Variants in ROBO2 observed in about 807,000 individuals in gnomAD.
ROBO2 encodes the protein roundabout homolog 2.
ROBO2 carries 53 observed loss-of-function variants against 160.8 expected under a neutral mutation model. The observed-to-expected ratio is 0.33, with a 90% confidence interval of 0.26 to 0.41. The LOEUF is 0.41. Ranked by LOEUF, ROBO2 falls within the 10% of genes least tolerant of loss-of-function variation. The probability of loss-of-function intolerance (pLI) is 1.00; values close to 1 mark genes in which losing one functional copy is unlikely to be tolerated. For missense variants in ROBO2, 1,577 were observed against 1,722.4 expected, an observed-to-expected ratio of 0.92 and a Z score of 1.49; for synonymous variants, 664 against 611.7, an observed-to-expected ratio of 1.09 and a Z score of -1.26.
chr3:76,247,594 T>C (rs2107538181), intron 2 of ROBO2, among the ~76,000 whole-genome samples: 1 of 152,260 alleles, frequency 6.6e-6, no homozygotes, highest in African/African-American at 2.4e-5. Context: ...TTGTTGTTTG[T>C]TTGTTTTGAA....
rs548764661 is a variant in ROBO2, at chr3:77,330,463, A to T, written c.389-146951A>T. On this transcript the variant is annotated intron_variant, in intron 2 of 25. Transcript: ENST00000461745. ...AATCTGGGAGGTGGAGGTTGCTTTCAGCTAAGATCACACCACTGCACTCCA... is the reference window on the plus strand; with the variant it reads ...AATCTGGGAGGTGGAGGTTGCTTTCTGCTAAGATCACACCACTGCACTCCA... Among the ~76,000 whole-genome samples, 262 of 152,340 alleles carry T rather than the reference A, an allele frequency of 1.7e-3. 1 individual carries two copies. The highest frequency in any genetic ancestry group is 6.0e-3 in the African/African-American group (250 of 41,584).
chr3:76,496,124 G>A lies in ROBO2; in HGVS notation c.109+558522G>A, dbSNP rs371299802. Among the ~76,000 whole-genome samples, 320 of 152,218 alleles carry A rather than the reference G, an allele frequency of 2.1e-3. 6 individuals are homozygous for A. Among genetic ancestry groups the A allele is most frequent in the Middle Eastern group, 0.01 (3 of 294 alleles). ...TATAAAATGGAATAATTTTCATTTC[G>A]AGATTGTTGTAACAGTTAAATAGAT... On this transcript the variant is annotated intron_variant, in intron 2 of 26. Coordinates refer to the ROBO2 transcript ENST00000487694.
chr3:76,567,687 ATATATG>A (rs1461845026), intron 2 of ROBO2, among the ~76,000 whole-genome samples: 2 of 138,000 alleles, frequency 1.4e-5, no homozygotes, highest in Non-Finnish European at 3.1e-5. Context: ...ATATGTATAT[ATATATG>A]TATATCAGTG....
intron 2 of ROBO2, among the ~76,000 whole-genome samples, chr3:76,099,399 G>GA (rs11304764): frequency 2.5e-4 from 38 of 150,414 alleles, no homozygotes; most frequent in East Asian, 5.9e-4. Context: ...ATTTTGTGCT[G>GA]AAAAAAAAAA....
At chr3:76,949,347 C>A (rs2078814817) in intron 2 of ROBO2, among the ~76,000 whole-genome samples, 1 of 152,088 alleles carries the variant, frequency 6.6e-6, no homozygotes, top group Admixed American at 6.5e-5. Flanking sequence ...AGTCCCCAAC[C>A]CATGCGGACT....
intron 2 of ROBO2, among the ~76,000 whole-genome samples, chr3:77,375,294 G>A (rs147463219): frequency 0.011 from 1,611 of 152,226 alleles, 15 homozygotes; most frequent in Admixed American, 0.015. Flanking sequence ...ACCTCTGTTC[G>A]GTTCCCAATG....
chr3:76,950,688 C>G (rs2078902100), intron 2 of ROBO2, among the ~76,000 whole-genome samples: 1 of 152,054 alleles, frequency 6.6e-6, no homozygotes, highest in Non-Finnish European at 1.5e-5. Flanking sequence ...CTGGTTATAA[C>G]AGACTCTAGA....
intron 2 of ROBO2, among the ~76,000 whole-genome samples, chr3:77,234,862 T>C (rs763372844): frequency 5.3e-5 from 8 of 152,158 alleles, no homozygotes; most frequent in Non-Finnish European, 8.8e-5. Flanking sequence ...TTGGGGACTT[T>C]TGGGAGTGTT....
intron 2 of ROBO2, among the ~76,000 whole-genome samples, chr3:75,964,086 A>C: frequency 6.6e-6 from 1 of 151,766 alleles, no homozygotes; most frequent in Non-Finnish European, 1.5e-5. Flanking sequence ...TAATCATGTT[A>C]CTCAGAAGAG....
intron 2 of ROBO2, among the ~76,000 whole-genome samples, chr3:76,058,985 T>G (rs1212976489): frequency 6.6e-6 from 1 of 151,292 alleles, no homozygotes; most frequent in Admixed American, 6.6e-5. Flanking sequence ...GAACTCATCA[T>G]TTTTTATGGC....
At chr3:76,814,689 G>A (rs1201008873) in intron 2 of ROBO2, among the ~76,000 whole-genome samples, 3 of 151,584 alleles carry the variant, frequency 2.0e-5, no homozygotes, top group Non-Finnish European at 4.4e-5. Context: ...CTGAGAGATA[G>A]GTCTGTAAAC....
chr3:76,834,900 G>A (rs144634351), intron 2 of ROBO2, among the ~76,000 whole-genome samples: 82 of 152,128 alleles, frequency 5.4e-4, no homozygotes, highest in African/African-American at 1.7e-3. Context: ...AACATTTGCC[G>A]TTCTGTTTAC....
intron 2 of ROBO2, among the ~76,000 whole-genome samples, chr3:76,622,699 C>A (rs532026599): frequency 4.1e-4 from 63 of 152,302 alleles, no homozygotes; most frequent in African/African-American, 1.5e-3. Context: ...ATGTGCTGTT[C>A]TCTTTCCAAA....
chr3:77,562,507 A>T lies in ROBO2; in HGVS notation c.1438-144A>T, dbSNP rs887872557. The T allele has an allele frequency of 1.3e-5, 8 of 616,504 alleles. No individual in the cohort carries two copies. In the Admixed American group the frequency reaches 1.9e-4, roughly 15 times the overall value. The allele number at this position is 616,504 out of a possible 1,614,324, so 38.2% of individuals were successfully genotyped here. On this transcript the variant is annotated intron_variant, in intron 9 of 25. Transcript: ENST00000461745. The stretch of plus-strand genomic sequence containing the variant: ...GAGTTTATTTCATTATTTTATGTAT[A>T]CATATGATTGACTCTAATGCATAAT...
At chr3:76,727,629 G>T (rs1289715809) in intron 2 of ROBO2, among the ~76,000 whole-genome samples, 1 of 152,140 alleles carries the variant, frequency 6.6e-6, no homozygotes, top group African/African-American at 2.4e-5. Flanking sequence ...ATGATATGTG[G>T]AATAAGTTGG....
At chr3:76,840,024 A>G (rs951272913) in intron 2 of ROBO2, among the ~76,000 whole-genome samples, 1 of 151,962 alleles carries the variant, frequency 6.6e-6, no homozygotes, top group Non-Finnish European at 1.5e-5. Context: ...CCTCTATTTC[A>G]TCTTTGATTT....
chr3:76,642,056 G>A (rs1334935666), intron 2 of ROBO2, among the ~76,000 whole-genome samples: 2 of 152,088 alleles, frequency 1.3e-5, no homozygotes, highest in African/African-American at 4.8e-5. Flanking sequence ...GTAGGGTTAG[G>A]TGAACTCCAT....
chr3:76,453,103 A>C (rs9849372), intron 2 of ROBO2, among the ~76,000 whole-genome samples: 56,637 of 151,666 alleles, frequency 0.37, 10,671 homozygotes, highest in East Asian at 0.43. Flanking sequence ...AGGTTGCAAA[A>C]ATTTTCTCCC....
At chr3:77,149,403 A>G (rs2077379088) in intron 2 of ROBO2, among the ~76,000 whole-genome samples, 1 of 152,148 alleles carries the variant, frequency 6.6e-6, no homozygotes, top group Admixed American at 6.5e-5. Context: ...TATACTAGCC[A>G]TGTTAGCTTG....
Sources: allele counts gnomAD v4.1 joint callset (sites outside exome capture counted in the v4.1 genomes callset), GRCh38; gene constraint gnomAD v4.1.1; transcripts MANE v1.5; gene names NCBI Gene and HGNC (gene_info 2026-07-23, HGNC 2026-07-21).